MTMR7: variants seen among roughly 807,000 people sequenced by gnomAD.
The protein encoded by MTMR7 is phosphatidylinositol-3-phosphate phosphatase MTMR7.
A neutral mutation model predicts 81.2 loss-of-function variants in MTMR7; 76 were observed. The ratio of observed to expected loss-of-function variants is 0.94; its 90% CI spans 0.78 to 1.13. The LOEUF (loss-of-function observed/expected upper bound fraction) is 1.13. MTMR7 is among the 50% of genes most tolerant of loss of function. The pLI is 0.00. For synonymous variants in MTMR7, 372 were observed against 289.8 expected (o/e 1.28, Z -2.88); for missense variants, 1,044 against 820.0 (o/e 1.27, Z -3.34).
intron 5 of MTMR7, among the ~76,000 whole-genome samples, chr8:17,348,214 G>A (rs1046213944): frequency 2.6e-5 from 4 of 151,960 alleles, no homozygotes; most frequent in African/African-American, 9.7e-5. Flanking sequence ...TTCTTATACT[G>A]AAGATACTCA....
intron 3 of MTMR7, among the ~76,000 whole-genome samples, chr8:17,366,936 T>C (rs1820246693): frequency 1.3e-5 from 2 of 149,570 alleles, no homozygotes; most frequent in African/African-American, 5.0e-5. Context: ...GGTGAGAAGA[T>C]AATACAGCTA....
chr8:17,302,551 A>G, intron 12 of MTMR7: 2 of 305,984 alleles, frequency 6.5e-6, no homozygotes, highest in East Asian at 5.4e-5. Flanking sequence ...TTAAAATAGT[A>G]CATGTAACCA....
intron 1 of MTMR7, among the ~76,000 whole-genome samples, chr8:17,382,875 G>A (rs1043244454): frequency 6.6e-6 from 1 of 152,184 alleles, no homozygotes; most frequent in Non-Finnish European, 1.5e-5. Context: ...ATACACAACA[G>A]TTAATGTAGT....
intron 1 of MTMR7, among the ~76,000 whole-genome samples, chr8:17,409,260 A>G (rs895376735): frequency 3.9e-5 from 6 of 152,124 alleles, no homozygotes; most frequent in Non-Finnish European, 8.8e-5. Flanking sequence ...GGAGTTCAAG[A>G]CCAGTCTGGC....
chr8:17,349,455 C>T, intron 4 of MTMR7: 1 of 190,082 alleles, frequency 5.3e-6, no homozygotes, highest in Non-Finnish European at 1.1e-5. Context: ...GACAGAATGA[C>T]ACCAGGAGAC....
intron 3 of MTMR7, among the ~76,000 whole-genome samples, chr8:17,370,435 G>A (rs149259906): frequency 1.6e-4 from 24 of 151,286 alleles, no homozygotes; most frequent in African/African-American, 5.3e-4. Context: ...CATGAGAATC[G>A]CTTGAACCCA....
At chr8:17,381,945 T>G (rs1314287208) in intron 1 of MTMR7, among the ~76,000 whole-genome samples, 1 of 152,214 alleles carries the variant, frequency 6.6e-6, no homozygotes. Flanking sequence ...TCCCTGCATT[T>G]TGACTTCTAT....
Position 17,373,082 on chromosome 8 carries a change from G to T in MTMR7, c.147+36C>A, listed in dbSNP as rs751318424. 1.9e-6 allele frequency: 3 copies of T among 1,608,684 alleles called. No homozygotes were observed. In the African/African-American group the frequency reaches 4.0e-5, roughly 22 times the overall value. On this transcript the variant is annotated intron_variant, in intron 2 of 13. Transcript: ENST00000180173. ...GCAAACACTTTTTGCTTCAAACAAC[G>T]CAAAACAAGGAAAGCTAAAAATAAA... is the stretch of plus-strand genomic sequence containing the variant.
chr8:17,383,971 T>G (rs1207576474), intron 1 of MTMR7, among the ~76,000 whole-genome samples: 2 of 152,238 alleles, frequency 1.3e-5, no homozygotes, highest in Non-Finnish European at 2.9e-5. Flanking sequence ...TTTTTATTTA[T>G]GACAGGTGTC....
In MTMR7 at chr8:17,316,656, T is replaced by C. The variant is rs141542314; in HGVS notation, c.866-3255A>G. ...ACAGAGCACAAATATTTGAAAAAAATAAAAATAACAATACAACAAAAAATA... is the reference window on the plus strand; with the variant it reads ...ACAGAGCACAAATATTTGAAAAAAACAAAAATAACAATACAACAAAAAATA... On this transcript the variant is annotated intron_variant, in intron 7 of 13. Coordinates refer to ENST00000180173, the MANE Select transcript of MTMR7 (RefSeq NM_004686.5). Among the ~76,000 whole-genome samples the C allele has an allele frequency of 2.8e-3, 425 of 151,964 alleles. 4 individuals carry two copies. Among genetic ancestry groups the C allele is most frequent in the African/African-American group, 9.9e-3 (409 of 41,430 alleles).
Position 17,304,420 on chromosome 8 carries a change from T to A in MTMR7, c.1452A>T (p.Gly484=). Residue 484 remains glycine (G), a synonymous_variant, in exon 12 of 14, where the codon GGA becomes GGT. Transcript: ENST00000180173. ...LFRADHSQTQ[G]TLHLPTTPCN... Reference sequence around the variant, plus strand: ...ATGGTGTTGTAGGGAGATGAAGGGTTCCCTGAGTCTGGCTGTGATCAGCTC... The same window carrying A: ...ATGGTGTTGTAGGGAGATGAAGGGTACCCTGAGTCTGGCTGTGATCAGCTC... The A allele has an allele frequency of 6.2e-7, 1 of 1,614,096 alleles. No homozygotes were observed. Among genetic ancestry groups the A allele is most frequent in the Non-Finnish European group, 8.5e-7 (1 of 1,179,956 alleles).
At chr8:17,313,890 A>C (rs1817922329) in intron 7 of MTMR7, among the ~76,000 whole-genome samples, 1 of 152,238 alleles carries the variant, frequency 6.6e-6, no homozygotes, top group African/African-American at 2.4e-5. Context: ...TTCTTAAATG[A>C]AAATGATCAA....
At chr8:17,313,877 A>C (rs1170573934) in intron 7 of MTMR7, among the ~76,000 whole-genome samples, 2 of 152,170 alleles carry the variant, frequency 1.3e-5, no homozygotes, top group East Asian at 3.9e-4. Context: ...AGCGATCCTA[A>C]ATTTCTTAAA....
intron 4 of MTMR7, among the ~76,000 whole-genome samples, chr8:17,356,026 G>C (rs561816698): frequency 1.2e-4 from 18 of 152,294 alleles, no homozygotes; most frequent in African/African-American, 4.3e-4. Flanking sequence ...AGTGGTGCTG[G>C]AGCAGGAGAA....
chr8:17,332,245 G>C (rs975522601), intron 6 of MTMR7, among the ~76,000 whole-genome samples: 1 of 152,164 alleles, frequency 6.6e-6, no homozygotes, highest in Non-Finnish European at 1.5e-5. Context: ...GCTTTTAAAA[G>C]CACAGTGCAC....
chr8:17,369,641 CTTTTTTTT>C (rs71212689), intron 3 of MTMR7, among the ~76,000 whole-genome samples: 1,703 of 106,280 alleles, frequency 0.016, 14 homozygotes, highest in Middle Eastern at 0.074. Context: ...TTCTTTTTTT[CTTTTTTTT>C]TTTTTTTTTT....
intron 1 of MTMR7, among the ~76,000 whole-genome samples, chr8:17,377,388 T>C (rs2150569610): frequency 6.6e-6 from 1 of 152,230 alleles, no homozygotes; most frequent in East Asian, 1.9e-4. Context: ...TAAACCCCTC[T>C]CTTCTTATCC....
intron 4 of MTMR7, among the ~76,000 whole-genome samples, chr8:17,350,195 C>T (rs1819685590): frequency 6.6e-6 from 1 of 152,194 alleles, no homozygotes; most frequent in Non-Finnish European, 1.5e-5. Flanking sequence ...TCCTGGATGT[C>T]AAACATCTTC....
chr8:17,372,984 A>G, intron 2 of MTMR7, 134 bp downstream of exon 2: 1 of 1,064,314 alleles, frequency 9.4e-7, no homozygotes, highest in Non-Finnish European at 1.3e-6. Flanking sequence ...CCAAACACAC[A>G]TTCCAGAAAC....
Sources: gnomAD v4.1 joint callset for allele counts (sites outside exome capture counted in the v4.1 genomes callset) on GRCh38, gnomAD v4.1.1 for gene constraint, MANE v1.5 for transcripts, NCBI Gene and HGNC (gene_info 2026-07-23, HGNC 2026-07-21) for gene names.